SERINC5: variants seen among roughly 807,000 people sequenced by gnomAD.
SERINC5 encodes the protein chromosome 5 open reading frame 12.
Under a neutral mutation model 63.1 loss-of-function variants are expected in SERINC5, and 41 were observed. That is an observed-to-expected ratio of 0.65 (90% CI 0.51 to 0.84). The LOEUF (loss-of-function observed/expected upper bound fraction) is 0.84. Ranked by LOEUF, SERINC5 falls within the 40% of genes least tolerant of loss-of-function variation. The pLI, the probability that SERINC5 is intolerant of heterozygous loss-of-function variation, is 0.00. For missense variants in SERINC5, 523 were observed against 573.0 expected, an observed-to-expected ratio of 0.91 and a Z score of 0.89; for synonymous variants, 222 against 215.2, an observed-to-expected ratio of 1.03 and a Z score of -0.28.
At chr5:80,236,993 C>T (rs1751722474) in intron 1 of SERINC5, among the ~76,000 whole-genome samples, 1 of 151,456 alleles carries the variant, frequency 6.6e-6, no homozygotes, top group East Asian at 1.9e-4. Flanking sequence ...GCCGGGCTAA[C>T]TTTTTTGTAT....
intron 11 of SERINC5, chr5:80,116,215 CA>C (rs1303625096): frequency 1.4e-5 from 6 of 440,862 alleles, no homozygotes; most frequent in Non-Finnish European, 2.3e-5. Flanking sequence ...ATCATCTTTT[CA>C]ATGCTAAAAC....
chr5:80,158,402 AG>A (rs1321120599), intron 8 of SERINC5: 1 of 174,324 alleles, frequency 5.7e-6, no homozygotes, highest in Non-Finnish European at 1.2e-5. Context: ...TTCCATCAAC[AG>A]CAGAAGAAAG....
chr5:80,165,909 GATC>G (rs1336032721), intron 7 of SERINC5, among the ~76,000 whole-genome samples: 1 of 152,148 alleles, frequency 6.6e-6, no homozygotes, highest in Non-Finnish European at 1.5e-5. Flanking sequence ...AAAAAGTCTA[GATC>G]ATCTCTCTAC....
intron 5 of SERINC5, among the ~76,000 whole-genome samples, chr5:80,173,235 AAGGAAG>A (rs1747781951): frequency 8.7e-6 from 1 of 115,004 alleles, no homozygotes; most frequent in South Asian, 2.4e-4. Flanking sequence ...AGAAGGAAGG[AAGGAAG>A]GAAGGAAGGA....
At chr5:80,242,968 T>C (rs769381159) in intron 1 of SERINC5, among the ~76,000 whole-genome samples, 95 of 152,108 alleles carry the variant, frequency 6.2e-4, no homozygotes, top group Non-Finnish European at 9.4e-4. Flanking sequence ...TACAAACCTC[T>C]AGTTTTAGTA....
intron 1 of SERINC5, among the ~76,000 whole-genome samples, chr5:80,232,789 A>AT (rs1312831375): frequency 6.6e-6 from 1 of 151,814 alleles, no homozygotes; most frequent in Non-Finnish European, 1.5e-5. Flanking sequence ...TCTCAAAAAA[A>AT]AAAAATAAAA....
chr5:80,165,498 C>T (rs187676138), intron 7 of SERINC5, among the ~76,000 whole-genome samples: 1 of 152,288 alleles, frequency 6.6e-6, no homozygotes, highest in East Asian at 1.9e-4. Context: ...ATTTATACAT[C>T]ACATAAGTAA....
intron 11 of SERINC5, among the ~76,000 whole-genome samples, chr5:80,131,909 C>T (rs1199174971): frequency 6.6e-6 from 1 of 152,144 alleles, no homozygotes; most frequent in African/African-American, 2.4e-5. Flanking sequence ...AAATTCCAGA[C>T]TGGGCCTTAG....
chr5:80,234,503 TC>T (rs2112573390), intron 1 of SERINC5, among the ~76,000 whole-genome samples: 1 of 152,242 alleles, frequency 6.6e-6, no homozygotes, highest in African/African-American at 2.4e-5. Flanking sequence ...TCTAAACACA[TC>T]ACACACTACC....
At chr5:80,208,581 G>A (rs1026385358) in intron 1 of SERINC5, among the ~76,000 whole-genome samples, 4 of 152,004 alleles carry the variant, frequency 2.6e-5, no homozygotes, top group South Asian at 2.1e-4. Context: ...AATTTCCCAC[G>A]CAAGCACTGA....
At chr5:80,202,723 T>C (rs765879526) in intron 2 of SERINC5, among the ~76,000 whole-genome samples, 163 bp downstream of exon 2, 2 of 152,158 alleles carry the variant, frequency 1.3e-5, no homozygotes, top group African/African-American at 4.8e-5. Flanking sequence ...CCAGAAGGCA[T>C]TGGATCCTGG....
intron 11 of SERINC5, among the ~76,000 whole-genome samples, chr5:80,121,841 C>T (rs1370391618): frequency 6.6e-6 from 1 of 151,942 alleles, no homozygotes; most frequent in Non-Finnish European, 1.5e-5. Context: ...AACTAGCTCT[C>T]ATGTGAACTT....
At chr5:80,164,916 T>TTTG (rs1258935649) in intron 7 of SERINC5, among the ~76,000 whole-genome samples, 90 of 136,392 alleles carry the variant, frequency 6.6e-4, no homozygotes, top group African/African-American at 2.5e-3. Flanking sequence ...TTCTGTTTTT[T>TTTG]TTTTTTTTTT....
chr5:80,242,517 C>CT (rs397728348), intron 1 of SERINC5, among the ~76,000 whole-genome samples: 3 of 50 alleles, frequency 0.06, no homozygotes, highest in African/African-American at 0.11. Context: ...ATTTGGGAGG[C>CT]GAGGCGGGTG....
intron 1 of SERINC5, among the ~76,000 whole-genome samples, chr5:80,230,822 C>A (rs1014312193): frequency 6.6e-6 from 1 of 152,092 alleles, no homozygotes; most frequent in Admixed American, 6.6e-5. Flanking sequence ...TCCTTTCTTT[C>A]TCTCTTTCTT....
chr5:80,251,291 CAT>C (rs1752404391), intron 1 of SERINC5, among the ~76,000 whole-genome samples: 1 of 4,014 alleles, frequency 2.5e-4, no homozygotes, highest in African/African-American at 1.9e-3. Context: ...TACATACATG[CAT>C]ACATACATAC....
chr5:80,182,549 C>G (rs919101017), intron 2 of SERINC5, among the ~76,000 whole-genome samples: 2 of 141,458 alleles, frequency 1.4e-5, no homozygotes, highest in Non-Finnish European at 3.0e-5. Flanking sequence ...TGACCGCCCC[C>G]CCCCCCTCCG....
Sources: allele counts gnomAD v4.1 joint callset (sites outside exome capture counted in the v4.1 genomes callset), GRCh38; gene constraint gnomAD v4.1.1; transcripts MANE v1.5; gene names NCBI Gene and HGNC (gene_info 2026-07-23, HGNC 2026-07-21).